Variants in CACNA1E observed in about 807,000 individuals in gnomAD.
CACNA1E encodes calcium voltage-gated channel subunit alpha1 E.
A neutral mutation model predicts 259.2 loss-of-function variants in CACNA1E; 40 were observed. That is an observed-to-expected ratio of 0.15 (90% CI 0.12 to 0.20). CACNA1E has a LOEUF of 0.20. CACNA1E is among the 10% of genes least tolerant of loss of function. The pLI is 1.00. For missense variants in CACNA1E, 1,874 were observed against 3,040.1 expected, an observed-to-expected ratio of 0.62 and a Z score of 9.02; for synonymous variants, 1,104 against 1,138.5, an observed-to-expected ratio of 0.97 and a Z score of 0.61.
intron 6 of CACNA1E, among the ~76,000 whole-genome samples, chr1:181,601,091 T>C (rs1653697858): frequency 2.6e-5 from 4 of 152,076 alleles, no homozygotes; most frequent in Admixed American, 2.6e-4. Flanking sequence ...TACTTTGCCA[T>C]AGGGGATGAA....
chr1:181,594,123 G>A (rs1041407845), intron 6 of CACNA1E, among the ~76,000 whole-genome samples: 2 of 151,836 alleles, frequency 1.3e-5, no homozygotes, highest in African/African-American at 2.4e-5. Flanking sequence ...ATCTGTGAAG[G>A]CTAAAAATCT....
At chr1:181,448,496 T>A (rs1161056054) in intron 2 of CACNA1E, among the ~76,000 whole-genome samples, 1 of 152,240 alleles carries the variant, frequency 6.6e-6, no homozygotes, top group African/African-American at 2.4e-5. Flanking sequence ...TTTTTTCTCC[T>A]GGGATCTCAA....
chr1:181,354,963 A>G (rs565939936), intron 1 of CACNA1E, among the ~76,000 whole-genome samples: 2 of 152,370 alleles, frequency 1.3e-5, no homozygotes, highest in East Asian at 3.9e-4. Context: ...CAATTGTGCA[A>G]TGAGAGCAAA....
At chr1:181,476,800 C>T (rs1397737101) in intron 2 of CACNA1E, among the ~76,000 whole-genome samples, 2 of 152,160 alleles carry the variant, frequency 1.3e-5, no homozygotes, top group Non-Finnish European at 2.9e-5. Flanking sequence ...ACCCTCTGCT[C>T]ACCCCCATCA....
At chr1:181,590,349 A>G (rs1652502370) in intron 6 of CACNA1E, among the ~76,000 whole-genome samples, 1 of 150,548 alleles carries the variant, frequency 6.6e-6, no homozygotes. Flanking sequence ...TGTCCACAAG[A>G]GGAAACAGGA....
intron 37 of CACNA1E, among the ~76,000 whole-genome samples, chr1:181,772,853 G>C (rs1169156596): frequency 6.6e-6 from 1 of 152,104 alleles, no homozygotes; most frequent in Non-Finnish European, 1.5e-5. Flanking sequence ...AGTATATGTG[G>C]AGCATACCCA....
At chr1:181,680,736 GCT>G (rs1377503699) in intron 7 of CACNA1E, among the ~76,000 whole-genome samples, 3 of 152,166 alleles carry the variant, frequency 2.0e-5, no homozygotes, top group Non-Finnish European at 4.4e-5. Context: ...CAGCCTTGAA[GCT>G]CTTTCACCTC....
chr1:181,760,656 A>G lies in CACNA1E; in HGVS notation c.4605+1788A>G, dbSNP rs139672001. On this transcript the variant is annotated intron_variant, in intron 32 of 47. Transcript: ENST00000367573. ...ATTGCTTTTCTCTCCATAACAATAT[A>G]TTAAATAAGCATTCTTATTTTCTCC... is the stretch of plus-strand genomic sequence containing the variant. 1.9e-4 allele frequency among the ~76,000 whole-genome samples: 29 copies of G among 152,350 alleles called. No individual in the cohort carries two copies. The East Asian group carries it at 5.4e-3, about 28-fold the overall frequency.
intron 18 of CACNA1E, 124 bp from the exon 19 acceptor site, chr1:181,731,051 C>A (rs1655424692): frequency 2.8e-6 from 2 of 719,782 alleles, no homozygotes; most frequent in Non-Finnish European, 2.5e-6. Flanking sequence ...GGCAAGCAGG[C>A]ACATGGAGAC....
rs894753603 is a variant in CACNA1E, at chr1:181,711,179, G to A, written c.1171+110G>A. ...GGGGCAGCCTAGACAAGACAAGAGA[G>A]ACACTCTGGATGCTTGGTTGGCTCT... On this transcript the variant is annotated intron_variant, in intron 8 of 47. Coordinates refer to ENST00000367573, the MANE Select transcript of CACNA1E (RefSeq NM_001205293.3). 4 of 738,552 alleles carry A rather than the reference G, an allele frequency of 5.4e-6. No individual in the cohort carries two copies. In the African/African-American group the frequency reaches 7.0e-5, roughly 13 times the overall value. The allele number at this position is 738,552 out of a possible 1,614,324, so 45.7% of individuals were successfully genotyped here.
chr1:181,408,667 CG>C (rs1042931153), intron 1 of CACNA1E, among the ~76,000 whole-genome samples: 1 of 152,100 alleles, frequency 6.6e-6, no homozygotes, highest in African/African-American at 2.4e-5. Context: ...TTACACTAAA[CG>C]CTCTTCCACC....
intron 2 of CACNA1E, among the ~76,000 whole-genome samples, chr1:181,447,329 C>A (rs907419964): frequency 6.6e-6 from 1 of 151,060 alleles, no homozygotes; most frequent in East Asian, 1.9e-4. Flanking sequence ...GAATTTGAGA[C>A]CAGCTGGGCA....
intron 3 of CACNA1E, among the ~76,000 whole-genome samples, chr1:181,546,029 C>A (rs1390211857): frequency 6.6e-6 from 1 of 152,024 alleles, no homozygotes; most frequent in Non-Finnish European, 1.5e-5. Context: ...TGCAGGAGAG[C>A]GGGATGACTG....
chr1:181,716,296 T>TA lies in CACNA1E; in HGVS notation c.1315+183dup, dbSNP rs35884110. On this transcript the variant is annotated intron_variant, in intron 10 of 47. Coordinates refer to ENST00000367573, the MANE Select transcript of CACNA1E (RefSeq NM_001205293.3). ...CGAATCTAGATTACAATGATTTATT[T>TA]AAAAAAAAAAAAAAAAGGACCTGGG... is the stretch of plus-strand genomic sequence containing the variant. Among the ~76,000 whole-genome samples the TA allele has an allele frequency of 0.46, 65,515 of 140,932 alleles. 15,847 individuals are homozygous for TA. The highest frequency in any genetic ancestry group is 0.73 in the East Asian group (3,581 of 4,888). 92.5% of individuals were successfully genotyped at this position (140,932 alleles called of 152,430 possible).
intron 46 of CACNA1E, 78 bp downstream of exon 46, chr1:181,795,122 T>C: frequency 8.3e-7 from 1 of 1,205,518 alleles, no homozygotes; most frequent in African/African-American, 1.5e-5. Flanking sequence ...CCAAGGACTG[T>C]AGATAACCAG....
intron 1 of CACNA1E, among the ~76,000 whole-genome samples, chr1:181,412,487 C>T (rs137962020): frequency 3.4e-4 from 51 of 152,126 alleles, no homozygotes; most frequent in African/African-American, 1.1e-3. Flanking sequence ...GGAGGATCAC[C>T]GGACCCTGGG....
intron 1 of CACNA1E, among the ~76,000 whole-genome samples, chr1:181,405,550 A>C (rs1657404747): frequency 6.6e-6 from 1 of 152,224 alleles, no homozygotes; most frequent in African/African-American, 2.4e-5. Context: ...TCCAAGGAGT[A>C]GTTTTCTGTC....
intron 1 of CACNA1E, among the ~76,000 whole-genome samples, chr1:181,370,544 T>C (rs1489305927): frequency 1.3e-5 from 2 of 152,220 alleles, no homozygotes; most frequent in Non-Finnish European, 2.9e-5. Flanking sequence ...GGTTTTCTGT[T>C]CCTACATTAA....
At position 181,730,547 on chromosome 1, in the gene CACNA1E, T is replaced by C. The variant is rs1271787658; in HGVS notation, c.2241-628T>C. On this transcript the variant is annotated intron_variant, in intron 18 of 47. Transcript: ENST00000367573. ...CCAGGTGAACATAGAACAGGGTCTA[T>C]GGCCAGGGCCTCTGCGTTGCTCAAA... Among the ~76,000 whole-genome samples the C allele has an allele frequency of 3.3e-5, 5 of 152,372 alleles. No homozygotes were observed. In the East Asian group the frequency reaches 9.6e-4, roughly 29 times the overall value.
Sources: allele counts gnomAD v4.1 joint callset (sites outside exome capture counted in the v4.1 genomes callset), GRCh38; gene constraint gnomAD v4.1.1; transcripts MANE v1.5; gene names NCBI Gene and HGNC (gene_info 2026-07-23, HGNC 2026-07-21).